The following PATJ variants were observed in gnomAD, a reference collection of about 807,000 sequenced individuals.
PATJ encodes PATJ crumbs cell polarity complex component.
PATJ carries 190 observed loss-of-function variants against 224.9 expected under a neutral mutation model. The observed-to-expected ratio is 0.84, with a 90% CI of 0.75 to 0.95. The LOEUF (loss-of-function observed/expected upper bound fraction) is 0.95, where lower values mean the gene tolerates loss of function less well. PATJ is among the 40% of genes least tolerant of loss of function. The pLI, the probability that PATJ is intolerant of heterozygous loss-of-function variation, is 0.00. For missense variants in PATJ, 2,121 were observed against 2,270.3 expected, an observed-to-expected ratio of 0.93 and a Z score of 1.34; for synonymous variants, 769 against 820.3, an observed-to-expected ratio of 0.94 and a Z score of 1.07.
rs1553262226 is a variant in PATJ at position 62,086,246 on chromosome 1, G to GTGTGTGTGTGTA, written c.4377+1609_4377+1610insATGTGTGTGTGT. Among the ~76,000 whole-genome samples the GTGTGTGTGTGTA allele has an allele frequency of 6.6e-6, 1 of 151,490 alleles. No individual in the cohort carries two copies. The highest frequency in any genetic ancestry group is 2.4e-5 in the African/African-American group (1 of 41,280). The stretch of plus-strand genomic sequence containing the variant: ...TTAATGCATGTGTGTGTGTGTGTAT[G>GTGTGTGTGTGTA]TGTGTGTGTGTGTTTAATACCTGCA... On this transcript the variant is annotated intron_variant, in intron 33 of 43. Coordinates refer to ENST00000642238, the MANE Select transcript of PATJ (RefSeq NM_001350145.3). This position sits in a 1 kb window ranked among gnomAD's most constrained non-coding sequence, Gnocchi z 4.0.
intron 29 of PATJ, among the ~76,000 whole-genome samples, chr1:62,032,044 T>C (rs193279503): frequency 1.3e-5 from 2 of 152,304 alleles, no homozygotes; most frequent in East Asian, 3.9e-4. Flanking sequence ...ACCTGTTTAT[T>C]GGCTCACAGT....
chr1:61,876,745 GT>G (rs1195294601), intron 21 of PATJ, among the ~76,000 whole-genome samples: 1 of 152,146 alleles, frequency 6.6e-6, no homozygotes, highest in African/African-American at 2.4e-5. Flanking sequence ...TGGTGTTTGG[GT>G]GGAGGAGCAG....
chr1:61,800,214 C>T (rs1450732839), intron 11 of PATJ, among the ~76,000 whole-genome samples: 2 of 152,214 alleles, frequency 1.3e-5, no homozygotes, highest in African/African-American at 2.4e-5. Context: ...TACATCCCCA[C>T]CAACAGTGTA....
chr1:62,058,224 G>C (rs1654859373), intron 31 of PATJ, among the ~76,000 whole-genome samples: 1 of 152,044 alleles, frequency 6.6e-6, no homozygotes, highest in African/African-American at 2.4e-5. Context: ...TGTTTTCAGA[G>C]GTAACTTACC....
intron 6 of PATJ, among the ~76,000 whole-genome samples, chr1:61,771,839 C>T (rs1034679994): frequency 3.3e-5 from 5 of 151,988 alleles, no homozygotes; most frequent in African/African-American, 1.2e-4. Flanking sequence ...CCTGCCTCAG[C>T]CTCCCGAGTA....
chr1:61,814,384 C>T (rs1298961892), intron 14 of PATJ, among the ~76,000 whole-genome samples: 1 of 152,042 alleles, frequency 6.6e-6, no homozygotes, highest in Non-Finnish European at 1.5e-5. Context: ...CTCAGGTGAT[C>T]CGCCCACCTT....
At chr1:61,796,104 C>A (rs1311989662) in intron 10 of PATJ, among the ~76,000 whole-genome samples, 2 of 152,190 alleles carry the variant, frequency 1.3e-5, no homozygotes, top group Non-Finnish European at 2.9e-5. Context: ...TATACACACA[C>A]ATTGCTTAAC....
chr1:61,833,362 C>A (rs1345599051), intron 16 of PATJ: 1 of 193,554 alleles, frequency 5.2e-6, no homozygotes, highest in African/African-American at 2.3e-5. Context: ...TGACAGAACT[C>A]ATTGAAGTAT....
chr1:61,894,994 T>C (rs1670160136), intron 22 of PATJ, among the ~76,000 whole-genome samples: 1 of 152,202 alleles, frequency 6.6e-6, no homozygotes, highest in African/African-American at 2.4e-5. Flanking sequence ...TTGCTATGCT[T>C]TAGCAAAAAG....
At chr1:62,071,054 G>A (rs965918195) in intron 31 of PATJ, among the ~76,000 whole-genome samples, 4 of 152,176 alleles carry the variant, frequency 2.6e-5, no homozygotes, top group Non-Finnish European at 4.4e-5. Context: ...GGCAGGGGAT[G>A]TCAGATTCAA....
At chr1:62,126,907 A>G (rs1186646322) in intron 39 of PATJ, among the ~76,000 whole-genome samples, 2 of 152,182 alleles carry the variant, frequency 1.3e-5, no homozygotes, top group Admixed American at 1.3e-4. Flanking sequence ...AGGCCATGAC[A>G]GTGCCATACT....
chr1:62,093,692 A>G (rs1249222769), intron 33 of PATJ, among the ~76,000 whole-genome samples: 3 of 152,230 alleles, frequency 2.0e-5, no homozygotes, highest in Non-Finnish European at 2.9e-5. Context: ...ATATGAATAT[A>G]AGCAAAAATA....
chr1:61,944,608 C>T (rs1038926019), intron 27 of PATJ, among the ~76,000 whole-genome samples: 10 of 152,098 alleles, frequency 6.6e-5, no homozygotes, highest in African/African-American at 2.2e-4. Context: ...GATTGGTGTA[C>T]CTGAAAGTGA....
chr1:61,914,597 A>C lies in PATJ; in HGVS notation c.3503A>C (p.Asn1168Thr), dbSNP rs1226444837. The change falls in exon 26 of 44, where the codon AAC becomes ACC. Residue 1168 changes from asparagine (N) to threonine (T), a missense_variant. By Grantham distance (65) the Asn-to-Thr change is moderately conservative. Transcript: ENST00000642238. The part of the protein sequence containing the change: ...SLSSTPRVIP[N>T]VHNKANKITG... ...TTTTTGTCACCATAGGTCATTCCTA[A>C]CGTACATAACAAGGCCAACAAAATC... 2 of 1,538,588 alleles carry C rather than the reference A, an allele frequency of 1.3e-6. No individual in the cohort carries two copies. Among genetic ancestry groups the C allele is most frequent in the South Asian group, 2.3e-5 (2 of 88,628 alleles).
rs779319422 is a variant in PATJ, at chr1:61,766,277, A to T, written c.190-2A>T. The T allele has an allele frequency of 6.4e-7, 1 of 1,567,540 alleles. No individual in the cohort carries two copies. Among genetic ancestry groups the T allele is most frequent in the South Asian group, 1.2e-5 (1 of 81,638 alleles). ...TTGATTCTTTTTTTTTCTCTCCAACAGCTCAACCATATACCCTCAGATTGT... is the reference window on the plus strand; with the variant it reads ...TTGATTCTTTTTTTTTCTCTCCAACTGCTCAACCATATACCCTCAGATTGT... On this transcript the variant is annotated splice_acceptor_variant, in intron 3 of 43. Transcript: ENST00000642238. LOFTEE classifies it high-confidence loss of function.
chr1:61,841,673 A>G (rs1661119510), intron 17 of PATJ, among the ~76,000 whole-genome samples: 1 of 151,876 alleles, frequency 6.6e-6, no homozygotes, highest in Non-Finnish European at 1.5e-5. Flanking sequence ...AATGCAGTCA[A>G]TCTGCTACTA....
At chr1:62,024,427 G>C (rs575484915) in intron 29 of PATJ, among the ~76,000 whole-genome samples, 1 of 152,126 alleles carries the variant, frequency 6.6e-6, no homozygotes, top group East Asian at 1.9e-4. Context: ...GGCAGAATTG[G>C]TAATTTTTTC....
intron 1 of PATJ, among the ~76,000 whole-genome samples, chr1:61,757,795 C>T (rs1450008711): frequency 2.6e-5 from 4 of 152,156 alleles, no homozygotes. Flanking sequence ...GTAGTAGTCT[C>T]TGTTACTACA....
chr1:62,060,472 ATCC>A (rs1655242966), intron 31 of PATJ, among the ~76,000 whole-genome samples: 1 of 152,018 alleles, frequency 6.6e-6, no homozygotes, highest in South Asian at 2.1e-4. Flanking sequence ...GGCTCAAGCA[ATCC>A]TCCTGCCTCA....
Sources: gnomAD v4.1 joint callset for allele counts (sites outside exome capture counted in the v4.1 genomes callset) on GRCh38, gnomAD v4.1.1 for gene constraint, Gnocchi (gnomAD v3.1) non-coding constraint, MANE v1.5 for transcripts, NCBI Gene and HGNC (gene_info 2026-07-23, HGNC 2026-07-21) for gene names.